Variants in GNB1 observed in about 807,000 individuals in gnomAD.
GNB1 encodes G protein subunit beta 1, also known as guanine nucleotide-binding protein G(I)/G(S)/G(T) subunit beta-1.
Under a neutral mutation model 42.9 loss-of-function variants are expected in GNB1, and 2 were observed. The observed-to-expected ratio is 0.05, with a 90% CI of 0.02 to 0.15. GNB1 has a LOEUF of 0.15. Among genes scored for constraint, GNB1 ranks in the 10% least tolerant of loss-of-function variants. The pLI is 1.00. For synonymous variants in GNB1, 183 were observed against 174.7 expected, an observed-to-expected ratio of 1.05 and a Z score of -0.38; for missense variants, 193 against 462.2, an observed-to-expected ratio of 0.42 and a Z score of 5.34.
chr1:1,848,074 CTTT>C (rs1647768928), intron 1 of GNB1, among the ~76,000 whole-genome samples: 2 of 151,976 alleles, frequency 1.3e-5, no homozygotes, highest in South Asian at 4.2e-4. Context: ...CATACAGAAA[CTTT>C]TTTAGAGAAA....
intron 5 of GNB1, 98 bp from the exon 6 acceptor site, chr1:1,806,636 TC>T: frequency 1.4e-6 from 1 of 737,858 alleles, no homozygotes; most frequent in Non-Finnish European, 2.3e-6. Context: ...GCTTATGTGC[TC>T]CCATGTTACA....
At chr1:1,862,871 A>C (rs780603224) in intron 1 of GNB1, among the ~76,000 whole-genome samples, 48 of 152,328 alleles carry the variant, frequency 3.2e-4, no homozygotes, top group East Asian at 7.7e-4. Flanking sequence ...GGAGACTCTT[A>C]GAAAACACCA....
chr1:1,868,764 AGT>A (rs1421724700), intron 1 of GNB1, among the ~76,000 whole-genome samples: 1 of 151,950 alleles, frequency 6.6e-6, no homozygotes, highest in African/African-American at 2.4e-5. Flanking sequence ...TGGGTGACAG[AGT>A]GAGACTCCAT....
intron 3 of GNB1, 180 bp downstream of exon 3, chr1:1,825,217 C>A: frequency 3.4e-6 from 2 of 581,996 alleles, no homozygotes; most frequent in Non-Finnish European, 3.1e-6. Context: ...AAGCAAAATC[C>A]CAAAAACAAT....
At chr1:1,888,382 AGGC>A (rs1570769051) in intron 1 of GNB1, among the ~76,000 whole-genome samples, 2 of 149,746 alleles carry the variant, frequency 1.3e-5, no homozygotes. Flanking sequence ...AAAAAAAAAA[AGGC>A]GGGCGGGGGG....
chr1:1,791,755 C>T (rs1646483994), intron 8 of GNB1, among the ~76,000 whole-genome samples: 1 of 152,080 alleles, frequency 6.6e-6, no homozygotes, highest in African/African-American at 2.4e-5. Flanking sequence ...CTCTCTAGGG[C>T]CTGAGGGACT....
At chr1:1,869,058 C>A (rs1649103484) in intron 1 of GNB1, among the ~76,000 whole-genome samples, 1 of 150,788 alleles carries the variant, frequency 6.6e-6, no homozygotes, top group African/African-American at 2.4e-5. Context: ...TGGTGGCGGG[C>A]ACCTGTAGTC....
chr1:1,824,112 G>T (rs532869902), intron 3 of GNB1, among the ~76,000 whole-genome samples: 25 of 152,290 alleles, frequency 1.6e-4, no homozygotes, highest in Non-Finnish European at 2.8e-4. Flanking sequence ...GCAAACAAGA[G>T]TAAGAGAAAG....
chr1:1,824,479 A>G (rs557647847), intron 3 of GNB1, among the ~76,000 whole-genome samples: 4 of 152,178 alleles, frequency 2.6e-5, no homozygotes, highest in African/African-American at 7.2e-5. Context: ...TTAACATCCT[A>G]CATCAGTCAC....
rs1486884896 is a variant in GNB1, at chr1:1,862,624, G to A, written c.-95-23386C>T. Among the ~76,000 whole-genome samples, 5 of 149,402 alleles carry A rather than the reference G, an allele frequency of 3.3e-5. No homozygotes were observed. The South Asian group carries it at 6.2e-4, about 19-fold the overall frequency. Reference sequence around the variant, plus strand: ...CTACAAGCCGTGCTCTGATGCCCCCGATTTTTGTAATTTTTGTAGAGACAG... The same window carrying A: ...CTACAAGCCGTGCTCTGATGCCCCCAATTTTTGTAATTTTTGTAGAGACAG... On this transcript the variant is annotated intron_variant, in intron 1 of 11. Coordinates refer to ENST00000378609, the MANE Select transcript of GNB1 (RefSeq NM_002074.5).
At chr1:1,872,856 G>A (rs1255533651) in intron 1 of GNB1, among the ~76,000 whole-genome samples, 1 of 152,072 alleles carries the variant, frequency 6.6e-6, no homozygotes, top group Non-Finnish European at 1.5e-5. Context: ...CTTGCTCAAA[G>A]TAAGTACTTG....
At chr1:1,882,540 T>A (rs1040266995) in intron 1 of GNB1, among the ~76,000 whole-genome samples, 3 of 151,592 alleles carry the variant, frequency 2.0e-5, no homozygotes, top group Non-Finnish European at 4.4e-5. Flanking sequence ...ATTGTCCCTA[T>A]CAGCAAATCA....
intron 1 of GNB1, among the ~76,000 whole-genome samples, chr1:1,840,176 G>A (rs1001882654): frequency 6.6e-6 from 1 of 150,864 alleles, no homozygotes; most frequent in African/African-American, 2.4e-5. Flanking sequence ...TGTAGTGAGT[G>A]GAGATCACGC....
At chr1:1,839,714 C>G (rs907414841) in intron 1 of GNB1, 1 of 151,786 alleles carries the variant, frequency 6.6e-6, no homozygotes, top group East Asian at 1.9e-4. Flanking sequence ...GTTAGCCAGG[C>G]ATGGTGTCAC....
chr1:1,822,497 A>C (rs1570670794), intron 3 of GNB1, among the ~76,000 whole-genome samples: 1 of 151,764 alleles, frequency 6.6e-6, no homozygotes. Flanking sequence ...TTTTTCTTTT[A>C]GTAGAGACGG....
chr1:1,851,130 C>T (rs1647957789), intron 1 of GNB1, among the ~76,000 whole-genome samples: 3 of 152,072 alleles, frequency 2.0e-5, no homozygotes, highest in African/African-American at 4.8e-5. Context: ...TAGCAAGGCG[C>T]CAGGCGCGGA....
chr1:1,825,638 GCA>G, intron 2 of GNB1, 139 bp from the exon 3 acceptor site: 1 of 562,252 alleles, frequency 1.8e-6, no homozygotes, highest in Non-Finnish European at 3.3e-6. Context: ...GCCGAGGCGG[GCA>G]GATCACGAGG....
chr1:1,872,475 T>C (rs952862295), intron 1 of GNB1, among the ~76,000 whole-genome samples: 3 of 152,210 alleles, frequency 2.0e-5, no homozygotes, highest in Non-Finnish European at 4.4e-5. Context: ...CCTGAGGCCG[T>C]GTGGCCAAGG....
chr1:1,824,210 A>G (rs1410651700), intron 3 of GNB1, among the ~76,000 whole-genome samples: 4 of 152,198 alleles, frequency 2.6e-5, no homozygotes, highest in African/African-American at 9.6e-5. Context: ...TACTCTTCAC[A>G]TCAGCAGTTT....
Sources: allele counts gnomAD v4.1 joint callset (sites outside exome capture counted in the v4.1 genomes callset), GRCh38; gene constraint gnomAD v4.1.1; transcripts MANE v1.5; gene names NCBI Gene and HGNC (gene_info 2026-07-23, HGNC 2026-07-21).